The following NARS2 variants were observed in gnomAD, a reference collection of about 807,000 sequenced individuals.
NARS2 encodes the protein asparaginyl-tRNA synthetase.
In NARS2, 60 loss-of-function variants were observed where a neutral mutation model predicts 62.9. The observed-to-expected ratio is 0.95, with a 90% CI of 0.77 to 1.18. The LOEUF (loss-of-function observed/expected upper bound fraction) is 1.18. Ranked by LOEUF, NARS2 falls within the 50% of genes most tolerant of loss-of-function variation. The pLI is 0.00. For synonymous variants in NARS2, 196 were observed against 200.0 expected (o/e 0.98, Z 0.17); for missense variants, 619 against 576.4 (o/e 1.07, Z -0.76).
rs112904019 is a variant in NARS2 at position 78,563,762 on chromosome 11, C to T, written c.513+2370G>A. On this transcript the variant is annotated intron_variant, in intron 4 of 13. Transcript: ENST00000281038. The stretch of plus-strand genomic sequence containing the variant: ...AGGAGAATCCCTTGAACCCAGGAGG[C>T]GGAGGTTGCAGTGAGCCAAGATCAT... Among the ~76,000 whole-genome samples, 1,032 of 120,262 alleles carry T rather than the reference C, an allele frequency of 8.6e-3. 17 individuals carry two copies. The highest frequency in any genetic ancestry group is 0.03 in the African/African-American group (960 of 31,854). The allele number at this position is 120,262 out of a possible 152,430, so 78.9% of individuals were successfully genotyped here.
chr11:78,547,542 A>G (rs1855928696), intron 5 of NARS2, among the ~76,000 whole-genome samples: 1 of 152,232 alleles, frequency 6.6e-6, no homozygotes, highest in Non-Finnish European at 1.5e-5. Flanking sequence ...AACAAAATGA[A>G]CAAAGCAGGT....
At chr11:78,458,743 G>C (rs1284074974) in intron 11 of NARS2, among the ~76,000 whole-genome samples, 1 of 152,302 alleles carries the variant, frequency 6.6e-6, no homozygotes, top group East Asian at 1.9e-4. Flanking sequence ...ATATACCGAT[G>C]AATGAAAAAG....
intron 7 of NARS2, among the ~76,000 whole-genome samples, chr11:78,483,825 T>C (rs1378812478): frequency 6.6e-6 from 1 of 152,130 alleles, no homozygotes; most frequent in Non-Finnish European, 1.5e-5. Flanking sequence ...CCCAAAGTAA[T>C]TTATAGATTC....
At chr11:78,555,550 T>C (rs116520698) in intron 5 of NARS2, among the ~76,000 whole-genome samples, 2,078 of 152,266 alleles carry the variant, frequency 0.014, 44 homozygotes, top group African/African-American at 0.047. Context: ...CCCTTTGTCA[T>C]TTCCAATTGT....
intron 6 of NARS2, among the ~76,000 whole-genome samples, chr11:78,516,839 T>C (rs1005348457): frequency 2.6e-5 from 4 of 152,176 alleles, no homozygotes; most frequent in Middle Eastern, 3.2e-3. Context: ...CAAAATTAAA[T>C]AAGACAATCC....
chr11:78,473,727 AC>A (rs1210674152), intron 9 of NARS2, among the ~76,000 whole-genome samples: 1 of 152,212 alleles, frequency 6.6e-6, no homozygotes, highest in African/African-American at 2.4e-5. Flanking sequence ...AAGCAGATAT[AC>A]TTCTACACTT....
intron 11 of NARS2, among the ~76,000 whole-genome samples, chr11:78,450,724 G>C (rs1486972686): frequency 2.1e-5 from 3 of 144,930 alleles, no homozygotes; most frequent in African/African-American, 5.2e-5. Flanking sequence ...GCCCAGGCTG[G>C]AATGCAGTGG....
intron 5 of NARS2, among the ~76,000 whole-genome samples, chr11:78,535,063 T>C (rs1331532611): frequency 6.6e-6 from 1 of 152,256 alleles, no homozygotes. Context: ...AAAAGTATTA[T>C]ATCAAATCAG....
At chr11:78,449,133 G>GTTTTTTTTT in intron 11 of NARS2, among the ~76,000 whole-genome samples, 1 of 100,042 alleles carries the variant, frequency 1.0e-5, no homozygotes, top group Non-Finnish European at 1.9e-5. Flanking sequence ...CCTAAAAAAT[G>GTTTTTTTTT]TTTTTTTTTT....
intron 13 of NARS2, among the ~76,000 whole-genome samples, chr11:78,438,646 TGTA>T (rs1424284392): frequency 6.6e-6 from 1 of 152,234 alleles, no homozygotes; most frequent in Non-Finnish European, 1.5e-5. Flanking sequence ...AATTTTCTAA[TGTA>T]TATGTATTTG....
intron 13 of NARS2, among the ~76,000 whole-genome samples, chr11:78,437,993 G>GAAAAAAAAAAAAAGAAAA (rs1857462944): frequency 8.6e-6 from 1 of 116,560 alleles, no homozygotes; most frequent in Non-Finnish European, 1.8e-5. Context: ...AAAAAAGAAA[G>GAAAAAAAAAAAAAGAAAA]AAAAAAAAAA....
At chr11:78,553,640 T>A (rs1426000010) in intron 5 of NARS2, among the ~76,000 whole-genome samples, 1 of 152,170 alleles carries the variant, frequency 6.6e-6, no homozygotes, top group Non-Finnish European at 1.5e-5. Flanking sequence ...AAGTTCCTTA[T>A]AGATCCTGGA....
intron 7 of NARS2, among the ~76,000 whole-genome samples, chr11:78,490,803 G>C (rs959659343): frequency 6.6e-6 from 1 of 151,956 alleles, no homozygotes; most frequent in Non-Finnish European, 1.5e-5. Context: ...ATAAAGAAAT[G>C]ACTAATTTTA....
intron 13 of NARS2, among the ~76,000 whole-genome samples, chr11:78,437,539 C>A (rs1456260296): frequency 6.6e-6 from 1 of 152,140 alleles, no homozygotes. Flanking sequence ...CATGGCAAGA[C>A]AATGGCACAG....
chr11:78,498,224 T>C (rs532035911), intron 6 of NARS2, among the ~76,000 whole-genome samples: 11 of 152,326 alleles, frequency 7.2e-5, no homozygotes, highest in Non-Finnish European at 1.3e-4. Flanking sequence ...GGGCCTTCCT[T>C]GTAAACACAG....
At chr11:78,526,831 AAAT>A (rs1176713383) in intron 6 of NARS2, among the ~76,000 whole-genome samples, 7 of 152,144 alleles carry the variant, frequency 4.6e-5, no homozygotes, top group African/African-American at 1.7e-4. Flanking sequence ...CTAACTTTAT[AAAT>A]AATAGAAATG....
chr11:78,441,863 T>C (rs7934429), intron 12 of NARS2, among the ~76,000 whole-genome samples: 4,108 of 152,330 alleles, frequency 0.027, 174 homozygotes, highest in African/African-American at 0.095. Flanking sequence ...TGGTTGCACA[T>C]TGATTCTTGT....
chr11:78,493,117 A>G lies in NARS2; in HGVS notation c.768T>C (p.Phe256=), dbSNP rs765818972. The G allele has an allele frequency of 6.2e-7, 1 of 1,614,038 alleles. No individual in the cohort carries two copies. Among genetic ancestry groups the G allele is most frequent in the Admixed American group, 1.7e-5 (1 of 60,008 alleles). Residue 256 remains phenylalanine (F), a synonymous_variant, in exon 7 of 14, where the codon TTT becomes TTC. Transcript: ENST00000281038. The part of the protein sequence containing the change: ...NSQSRRHLAE[F]YMIEAEISFV... Reference sequence around the variant, plus strand: ...AAGAAATCTCTGCTTCTATCATATAAAACTCTGCCAGGTGCCTCCGGCTCT... The same window carrying G: ...AAGAAATCTCTGCTTCTATCATATAGAACTCTGCCAGGTGCCTCCGGCTCT...
intron 6 of NARS2, among the ~76,000 whole-genome samples, chr11:78,518,772 C>A (rs1861007010): frequency 6.6e-6 from 1 of 152,164 alleles, no homozygotes; most frequent in African/African-American, 2.4e-5. Flanking sequence ...CCACCTCGGC[C>A]TCCCAAAGTG....
Sources: allele counts gnomAD v4.1 joint callset (sites outside exome capture counted in the v4.1 genomes callset), GRCh38; gene constraint gnomAD v4.1.1; transcripts MANE v1.5; gene names NCBI Gene and HGNC (gene_info 2026-07-23, HGNC 2026-07-21).